The following FHIT variants were observed in gnomAD, a reference collection of about 807,000 sequenced individuals.
FHIT encodes the protein bis(5'-adenosyl)-triphosphatase.
A neutral mutation model predicts 17.9 loss-of-function variants in FHIT; 19 were observed. That is an observed-to-expected ratio of 1.06 (90% CI 0.74 to 1.56). The LOEUF is 1.56. Among genes scored for constraint, FHIT ranks in the 40% most tolerant of loss-of-function variants. The pLI is 0.00. For synonymous variants in FHIT, 81 were observed against 69.7 expected (o/e 1.16, Z -0.81); for missense variants, 248 against 189.2 (o/e 1.31, Z -1.82).
At chr3:60,054,071 A>C (rs759653213) in intron 5 of FHIT, among the ~76,000 whole-genome samples, 1 of 152,244 alleles carries the variant, frequency 6.6e-6, no homozygotes, top group African/African-American at 2.4e-5. Flanking sequence ...TTGCTCAATC[A>C]TCAAAAACAT....
At chr3:60,611,794 T>C (rs2038793990) in intron 4 of FHIT, among the ~76,000 whole-genome samples, 4 of 152,186 alleles carry the variant, frequency 2.6e-5, no homozygotes, top group Admixed American at 2.6e-4. Context: ...TCCAGTAGTT[T>C]GATTTCATAC....
Position 60,890,247 on chromosome 3 carries a change from A to AAAAAAAAAAAAC in FHIT, c.-110-68237_-110-68236insGTTTTTTTTTTT, listed in dbSNP as rs2107171323. On this transcript the variant is annotated intron_variant, in intron 3 of 9. Transcript: ENST00000492590. Reference sequence around the variant, plus strand: ...AAAAAAAAAAAAAAAAAAAAAAAAAAAGGCCAATCCAGAATACTACATGAT... The same window carrying AAAAAAAAAAAAC: ...AAAAAAAAAAAAAAAAAAAAAAAAAAAAAAAAAAAAACAGGCCAATCCAGAATACTACATGAT... Among the ~76,000 whole-genome samples, 8 of 127,096 alleles carry AAAAAAAAAAAAC rather than the reference A, an allele frequency of 6.3e-5. No individual in the cohort carries two copies. The South Asian group carries it at 2.1e-3, about 33-fold the overall frequency. The allele number at this position is 127,096 out of a possible 152,430, so 83.4% of individuals were successfully genotyped here.
intron 1 of FHIT, among the ~76,000 whole-genome samples, chr3:61,233,557 G>A (rs1325987851): frequency 6.6e-6 from 1 of 152,090 alleles, no homozygotes; most frequent in African/African-American, 2.4e-5. Flanking sequence ...GTATATAAAT[G>A]GACAATTCCA....
chr3:60,027,615 T>C (rs1700806450), intron 5 of FHIT, among the ~76,000 whole-genome samples: 1 of 151,826 alleles, frequency 6.6e-6, no homozygotes, highest in South Asian at 2.1e-4. Flanking sequence ...CGCCATAGAG[T>C]TCAGATTCCA....
At chr3:60,682,319 T>C (rs2040770078) in intron 4 of FHIT, among the ~76,000 whole-genome samples, 1 of 152,164 alleles carries the variant, frequency 6.6e-6, no homozygotes, top group East Asian at 1.9e-4. Flanking sequence ...TGGAAGAAGA[T>C]GCCATCTAGG....
intron 4 of FHIT, among the ~76,000 whole-genome samples, chr3:60,611,862 A>G (rs2038795877): frequency 6.6e-6 from 1 of 152,202 alleles, no homozygotes; most frequent in African/African-American, 2.4e-5. Context: ...AGGTTAGTGA[A>G]AACTACCTGT....
At chr3:61,020,590 C>T (rs535756149) in intron 3 of FHIT, among the ~76,000 whole-genome samples, 30 of 152,232 alleles carry the variant, frequency 2.0e-4, no homozygotes, top group African/African-American at 7.2e-4. Flanking sequence ...AGACCATCAA[C>T]ACTATGAAAA....
chr3:60,601,762 A>T (rs1553668840), intron 4 of FHIT, among the ~76,000 whole-genome samples: 1 of 152,160 alleles, frequency 6.6e-6, no homozygotes, highest in African/African-American at 2.4e-5. Flanking sequence ...GTTTCCTCAT[A>T]AGTGTTTTAT....
chr3:60,321,678 A>C (rs1479660611), intron 5 of FHIT, among the ~76,000 whole-genome samples: 1 of 152,220 alleles, frequency 6.6e-6, no homozygotes, highest in Non-Finnish European at 1.5e-5. Flanking sequence ...GTCTCAGTCT[A>C]TTGAAGCTGC....
chr3:59,981,314 C>A (rs185681554), intron 7 of FHIT, among the ~76,000 whole-genome samples: 169 of 152,180 alleles, frequency 1.1e-3, no homozygotes, highest in African/African-American at 3.9e-3. Flanking sequence ...AAGAACTGAA[C>A]GCTGTCCTGT....
At chr3:59,952,271 C>G (rs1707154227) in intron 7 of FHIT, among the ~76,000 whole-genome samples, 1 of 152,178 alleles carries the variant, frequency 6.6e-6, no homozygotes, top group Non-Finnish European at 1.5e-5. Context: ...CCGAGTTTGT[C>G]TATAAGACCA....
chr3:60,447,860 A>G (rs1336387248), intron 5 of FHIT, among the ~76,000 whole-genome samples: 1 of 152,210 alleles, frequency 6.6e-6, no homozygotes, highest in Non-Finnish European at 1.5e-5. Flanking sequence ...TATGTAGTAA[A>G]GATGGGGGAA....
At chr3:61,213,153 C>T (rs199985769) in intron 1 of FHIT, among the ~76,000 whole-genome samples, 16,211 of 152,116 alleles carry the variant, frequency 0.11, 1,054 homozygotes, top group South Asian at 0.21. Flanking sequence ...TCACACATAA[C>T]AATATTAACT....
chr3:59,775,330 C>A (rs1475634162), intron 8 of FHIT, among the ~76,000 whole-genome samples: 2 of 152,190 alleles, frequency 1.3e-5, no homozygotes, highest in African/African-American at 2.4e-5. Flanking sequence ...TCCTTACCCG[C>A]CTGTAGTGAC....
At chr3:61,216,562 C>T (rs1264627647) in intron 1 of FHIT, among the ~76,000 whole-genome samples, 2 of 152,284 alleles carry the variant, frequency 1.3e-5, no homozygotes, top group East Asian at 3.9e-4. Flanking sequence ...TAAACTAGTT[C>T]AACCATTGTG....
intron 3 of FHIT, among the ~76,000 whole-genome samples, chr3:60,929,106 G>A (rs1222038779): frequency 2.0e-5 from 3 of 152,084 alleles, no homozygotes; most frequent in South Asian, 2.1e-4. Flanking sequence ...CAGAACCAAC[G>A]ACAAAACCAC....
At chr3:60,318,148 A>G (rs532921495) in intron 5 of FHIT, among the ~76,000 whole-genome samples, 48 of 152,232 alleles carry the variant, frequency 3.2e-4, no homozygotes, top group African/African-American at 1.1e-3. Context: ...ACATCATGGT[A>G]TAATGCAGTG....
chr3:60,609,893 C>T (rs2038732808), intron 4 of FHIT, among the ~76,000 whole-genome samples: 1 of 152,130 alleles, frequency 6.6e-6, no homozygotes, highest in African/African-American at 2.4e-5. Context: ...TTTATTACAA[C>T]AAGACTTTGT....
intron 3 of FHIT, among the ~76,000 whole-genome samples, chr3:61,003,447 C>T (rs1396703882): frequency 6.6e-6 from 1 of 152,148 alleles, no homozygotes; most frequent in Non-Finnish European, 1.5e-5. Flanking sequence ...TGTACTGAAA[C>T]ATTAGTGATG....
Sources: gnomAD v4.1 joint callset for allele counts (sites outside exome capture counted in the v4.1 genomes callset) on GRCh38, gnomAD v4.1.1 for gene constraint, MANE v1.5 for transcripts, NCBI Gene and HGNC (gene_info 2026-07-23, HGNC 2026-07-21) for gene names.